The following ACER3 variants were observed in gnomAD, a reference collection of about 807,000 sequenced individuals.
ACER3 encodes alkCDase 3.
ACER3 carries 16 observed loss-of-function variants against 48.9 expected under a neutral mutation model. The ratio of observed to expected loss-of-function variants is 0.33; its 90% CI spans 0.22 to 0.50. The LOEUF (loss-of-function observed/expected upper bound fraction) is 0.50, where lower values mean the gene tolerates loss of function less well. Among genes scored for constraint, ACER3 ranks in the 20% least tolerant of loss-of-function variants. ACER3 has a pLI of 0.98. For missense variants in ACER3, 227 were observed against 326.0 expected (o/e 0.70, Z 2.34); for synonymous variants, 109 against 107.8 (o/e 1.01, Z -0.07).
chr11:76,914,205 A>T (rs1220176176), intron 1 of ACER3, among the ~76,000 whole-genome samples: 1 of 152,228 alleles, frequency 6.6e-6, no homozygotes, highest in Non-Finnish European at 1.5e-5. Context: ...AATGAGATCT[A>T]ATTAAACTAA....
chr11:76,892,942 A>G (rs1945844672), intron 1 of ACER3, among the ~76,000 whole-genome samples: 1 of 152,214 alleles, frequency 6.6e-6, no homozygotes, highest in South Asian at 2.1e-4. Flanking sequence ...GCCTTTTAGA[A>G]CTGATCAATA....
intron 3 of ACER3, among the ~76,000 whole-genome samples, chr11:76,967,978 A>T (rs1948183757): frequency 6.6e-6 from 1 of 152,200 alleles, no homozygotes; most frequent in African/African-American, 2.4e-5. Context: ...AGGGCATTCA[A>T]TTAGGAAAAG....
chr11:76,983,978 T>C (rs1462267045), intron 4 of ACER3, among the ~76,000 whole-genome samples: 2 of 151,958 alleles, frequency 1.3e-5, no homozygotes, highest in Non-Finnish European at 2.9e-5. Context: ...TTAGTAGAGA[T>C]GGGGTTTCAC....
At chr11:76,990,491 C>A (rs758268163) in intron 5 of ACER3, 48 bp from the exon 6 acceptor site, 6 of 1,350,706 alleles carry the variant, frequency 4.4e-6, no homozygotes, top group South Asian at 1.2e-5. Context: ...GTTTTTCCCC[C>A]CTTCATAATG....
intron 1 of ACER3, among the ~76,000 whole-genome samples, chr11:76,870,087 C>T (rs948216573): frequency 6.6e-6 from 1 of 151,948 alleles, no homozygotes; most frequent in African/African-American, 2.4e-5. Context: ...GTCTCAACCT[C>T]CTGGGCTCAA....
chr11:76,971,561 T>A (rs542599751), intron 3 of ACER3, among the ~76,000 whole-genome samples: 13 of 151,514 alleles, frequency 8.6e-5, no homozygotes, highest in Non-Finnish European at 1.6e-4. Flanking sequence ...AAAAAACCGA[T>A]AATAGATTAA....
intron 1 of ACER3, among the ~76,000 whole-genome samples, chr11:76,915,864 A>G (rs756699086): frequency 6.6e-6 from 1 of 152,112 alleles, no homozygotes; most frequent in Non-Finnish European, 1.5e-5. Flanking sequence ...GTAAGAATTC[A>G]CTCAGTCTCA....
chr11:76,861,309 T>A (rs1344326213), intron 1 of ACER3, among the ~76,000 whole-genome samples: 1 of 111,384 alleles, frequency 9.0e-6, no homozygotes, highest in Non-Finnish European at 1.9e-5. Flanking sequence ...GGCCTGAGGA[T>A]TGGGGGGGCA....
intron 2 of ACER3, among the ~76,000 whole-genome samples, chr11:76,947,966 G>C (rs1444477422): frequency 1.3e-5 from 2 of 152,120 alleles, no homozygotes; most frequent in Admixed American, 6.6e-5. Flanking sequence ...GAAATGAGAT[G>C]GCCAGGTACG....
intron 2 of ACER3, among the ~76,000 whole-genome samples, chr11:76,942,118 G>A (rs1947356378): frequency 6.6e-6 from 1 of 151,982 alleles, no homozygotes. Context: ...AGCAAACAGG[G>A]CTACTTTGAC....
intron 6 of ACER3, among the ~76,000 whole-genome samples, chr11:76,991,964 AT>A (rs2135231675): frequency 1.3e-5 from 2 of 152,222 alleles, no homozygotes; most frequent in South Asian, 4.1e-4. Context: ...ACAGCGGCTT[AT>A]GCCTATAATC....
chr11:76,937,010 C>G (rs1326571817), intron 2 of ACER3, among the ~76,000 whole-genome samples: 1 of 152,002 alleles, frequency 6.6e-6, no homozygotes. Flanking sequence ...AGCCACTGTG[C>G]CCGGCCAATA....
chr11:76,945,022 G>GT lies in ACER3; in HGVS notation c.215-13948dup, dbSNP rs201292652. Reference sequence around the variant, plus strand: ...TTGAAGCTTTTAAATGTATTTTGTTGTTTTTTTTTCAATGGATTTTTCATT... The same window carrying GT: ...TTGAAGCTTTTAAATGTATTTTGTTGTTTTTTTTTTCAATGGATTTTTCATT... On this transcript the variant is annotated intron_variant, in intron 2 of 10. Coordinates refer to ENST00000532485, the MANE Select transcript of ACER3 (RefSeq NM_018367.7). 8.0e-3 allele frequency among the ~76,000 whole-genome samples: 1,124 copies of GT among 140,258 alleles called. 7 individuals are homozygous for GT. Among genetic ancestry groups the GT allele is most frequent in the Middle Eastern group, 0.019 (5 of 268 alleles). The allele number at this position is 140,258 out of a possible 152,430, so 92.0% of individuals were successfully genotyped here.
chr11:77,016,685 A>G lies in ACER3; in HGVS notation c.610A>G (p.Lys204Glu). Residue 204 changes from lysine to glutamate, a missense_variant, in exon 9 of 11, where the codon AAG becomes GAG. Physicochemically the swap from Lys to Glu is moderately conservative, Grantham distance 56. Transcript: ENST00000532485. ...CCTCTCTCCACACAGGAACTTTCGA[A>G]AGAAGGTACCACCTATCATAGGTAT... Reference protein sequence around the residue: ...IFCESLRNFRKKVPPIIGITT... With the variant: ...IFCESLRNFREKVPPIIGITT... 6.4e-7 allele frequency: 1 copy of G among 1,572,172 alleles called. No individual in the cohort carries two copies. The highest frequency in any genetic ancestry group is 8.6e-7 in the Non-Finnish European group (1 of 1,156,584).
intron 7 of ACER3, among the ~76,000 whole-genome samples, chr11:77,011,922 G>A (rs1949272900): frequency 3.3e-5 from 5 of 151,650 alleles, no homozygotes. Flanking sequence ...GTAATAGAAG[G>A]GAACTTTCTT....
At chr11:76,894,685 G>A (rs1361268146) in intron 1 of ACER3, among the ~76,000 whole-genome samples, 1 of 152,164 alleles carries the variant, frequency 6.6e-6, no homozygotes, top group Non-Finnish European at 1.5e-5. Flanking sequence ...CCATATGACT[G>A]ATTTTTTACA....
chr11:76,977,320 C>G (rs1390863079), intron 4 of ACER3, among the ~76,000 whole-genome samples: 1 of 152,140 alleles, frequency 6.6e-6, no homozygotes, highest in East Asian at 1.9e-4. Context: ...TGATAGGCTG[C>G]CTGGGTATGT....
chr11:76,999,773 TG>T (rs1343540681), intron 7 of ACER3, among the ~76,000 whole-genome samples: 1 of 152,210 alleles, frequency 6.6e-6, no homozygotes, highest in East Asian at 1.9e-4. Context: ...TTATCCAAGT[TG>T]TTCAGTGTGT....
At chr11:76,863,691 C>G (rs1229895164) in intron 1 of ACER3, among the ~76,000 whole-genome samples, 1 of 152,124 alleles carries the variant, frequency 6.6e-6, no homozygotes, top group Admixed American at 6.6e-5. Context: ...GTAATAATAG[C>G]TATTATCTAA....
Sources: allele counts gnomAD v4.1 joint callset (sites outside exome capture counted in the v4.1 genomes callset), GRCh38; gene constraint gnomAD v4.1.1; transcripts MANE v1.5; gene names NCBI Gene and HGNC (gene_info 2026-07-23, HGNC 2026-07-21).